The following GRIK1 variants were observed in gnomAD, a reference collection of about 807,000 sequenced individuals.
GRIK1 encodes glutamate ionotropic receptor kainate type subunit 1.
In GRIK1, 69 loss-of-function variants were observed where a neutral mutation model predicts 105.7. The ratio of observed to expected loss-of-function variants is 0.65; its 90% confidence interval spans 0.54 to 0.80. The LOEUF is 0.80. GRIK1 is among the 30% of genes least tolerant of loss of function. The pLI is 0.00. For synonymous variants in GRIK1, 438 were observed against 431.3 expected (o/e 1.02, Z -0.19); for missense variants, 1,109 against 1,167.3 (o/e 0.95, Z 0.73).
At chr21:29,640,913 C>G (rs954490782) in intron 7 of GRIK1, among the ~76,000 whole-genome samples, 2 of 152,120 alleles carry the variant, frequency 1.3e-5, no homozygotes, top group Non-Finnish European at 2.9e-5. Flanking sequence ...TGTTTCATGC[C>G]TATTTGTGAT....
chr21:29,732,818 T>C (rs945008161), intron 1 of GRIK1, among the ~76,000 whole-genome samples: 1 of 152,194 alleles, frequency 6.6e-6, no homozygotes, highest in African/African-American at 2.4e-5. Context: ...ATATATTCCT[T>C]TAACTACATC....
At chr21:29,702,031 A>T (rs923879313) in intron 1 of GRIK1, among the ~76,000 whole-genome samples, 3 of 152,154 alleles carry the variant, frequency 2.0e-5, no homozygotes, top group African/African-American at 7.2e-5. Context: ...TCCTTAGCAA[A>T]CTGATGCAGG....
intron 1 of GRIK1, among the ~76,000 whole-genome samples, chr21:29,902,836 CAAG>C (rs2070460066): frequency 6.6e-6 from 1 of 152,128 alleles, no homozygotes. Flanking sequence ...CAATCCTGGG[CAAG>C]AAGAACAAAG....
intron 1 of GRIK1, among the ~76,000 whole-genome samples, chr21:29,847,078 C>A (rs2068147177): frequency 6.6e-6 from 1 of 152,034 alleles, no homozygotes; most frequent in Non-Finnish European, 1.5e-5. Flanking sequence ...CTTTTTGATA[C>A]TTTATCTTCT....
intron 1 of GRIK1, among the ~76,000 whole-genome samples, chr21:29,905,532 G>T (rs919640899): frequency 1.3e-5 from 2 of 150,748 alleles, no homozygotes; most frequent in Non-Finnish European, 2.9e-5. Flanking sequence ...TGCAACCTCC[G>T]TCTCCTGGGT....
chr21:29,812,359 C>T (rs464900), intron 1 of GRIK1, among the ~76,000 whole-genome samples: 41,150 of 152,010 alleles, frequency 0.27, 5,702 homozygotes, highest in Middle Eastern at 0.34. Context: ...CTCTGCCCTT[C>T]ACTCTCTTAT....
chr21:29,630,519 T>C (rs1255750488), intron 7 of GRIK1: 3 of 471,720 alleles, frequency 6.4e-6, no homozygotes, highest in South Asian at 4.6e-5. Flanking sequence ...AACAGAGATT[T>C]GCTCTCTTCT....
chr21:29,580,017 G>T (rs1601171609), intron 13 of GRIK1, among the ~76,000 whole-genome samples: 1 of 142,678 alleles, frequency 7.0e-6, no homozygotes, highest in East Asian at 2.1e-4. Context: ...GTATATATAT[G>T]TGTATATATG....
intron 7 of GRIK1, among the ~76,000 whole-genome samples, chr21:29,628,549 T>G (rs1276069759): frequency 6.6e-6 from 1 of 152,242 alleles, no homozygotes; most frequent in Non-Finnish European, 1.5e-5. Context: ...GGATTTATCT[T>G]AGAATACACA....
intron 5 of GRIK1, 127 bp from the exon 6 acceptor site, chr21:29,651,418 T>C (rs1392408500): frequency 2.0e-5 from 13 of 645,986 alleles, no homozygotes; most frequent in Non-Finnish European, 7.5e-6. Flanking sequence ...TTGTGGTTCA[T>C]GGTTTCAGTT....
At chr21:29,749,766 T>G (rs916701409) in intron 1 of GRIK1, among the ~76,000 whole-genome samples, 5 of 152,232 alleles carry the variant, frequency 3.3e-5, no homozygotes, top group Non-Finnish European at 5.9e-5. Context: ...TGCTTATATA[T>G]TTCAACTATA....
intron 1 of GRIK1, among the ~76,000 whole-genome samples, chr21:29,754,849 G>A (rs2065294893): frequency 6.6e-6 from 1 of 152,120 alleles, no homozygotes; most frequent in Admixed American, 6.6e-5. Context: ...GCTTCAGCCT[G>A]GGAGTCTCCA....
In GRIK1 at chr21:29,620,802, T is replaced by TAGATAGATAG. The variant is rs1555851179; in HGVS notation, c.1099-21866_1099-21865insCTATCTATCT. 8.3e-3 allele frequency among the ~76,000 whole-genome samples: 1,054 copies of TAGATAGATAG among 127,392 alleles called. 14 individuals carry two copies. The highest frequency in any genetic ancestry group is 0.031 in the African/African-American group (923 of 30,040). 83.6% of individuals were successfully genotyped at this position (127,392 alleles called of 152,430 possible). On this transcript the variant is annotated intron_variant, in intron 7 of 17. Transcript: ENST00000327783. ...ATATAGATATATATATCTATATATA[T>TAGATAGATAG]ATAGATATATATATATAGTAATAAT...
At chr21:29,597,402 C>G (rs1303880061) in intron 8 of GRIK1, among the ~76,000 whole-genome samples, 3 of 152,186 alleles carry the variant, frequency 2.0e-5, no homozygotes, top group African/African-American at 4.8e-5. Context: ...CATCATTCAC[C>G]TAGCCAAAAA....
At chr21:29,573,160 T>G (rs1200510905) in intron 14 of GRIK1, among the ~76,000 whole-genome samples, 1 of 152,190 alleles carries the variant, frequency 6.6e-6, no homozygotes, top group African/African-American at 2.4e-5. Flanking sequence ...TGATGCTGTT[T>G]GTACTATCAT....
intron 14 of GRIK1, among the ~76,000 whole-genome samples, chr21:29,565,881 G>A (rs2090601375): frequency 6.6e-6 from 1 of 152,238 alleles, no homozygotes; most frequent in African/African-American, 2.4e-5. Context: ...GTCAGGGACA[G>A]CAAATGACAC....
intron 1 of GRIK1, among the ~76,000 whole-genome samples, chr21:29,727,120 C>T (rs894449809): frequency 3.3e-5 from 5 of 151,890 alleles, no homozygotes; most frequent in Admixed American, 1.3e-4. Flanking sequence ...GAGATGGGGT[C>T]TCATCATGTT....
At chr21:29,741,019 CT>C (rs2064913032) in intron 1 of GRIK1, among the ~76,000 whole-genome samples, 1 of 152,322 alleles carries the variant, frequency 6.6e-6, no homozygotes, top group Admixed American at 6.5e-5. Context: ...CTCAGAAAGC[CT>C]TTCTGTACTA....
chr21:29,601,102 T>C, intron 7 of GRIK1: 1 of 324,638 alleles, frequency 3.1e-6, no homozygotes, highest in Non-Finnish European at 6.7e-6. Flanking sequence ...AAGATTAGCA[T>C]TTGAAATGGT....
Sources: gnomAD v4.1 joint callset for allele counts (sites outside exome capture counted in the v4.1 genomes callset) on GRCh38, gnomAD v4.1.1 for gene constraint, MANE v1.5 for transcripts, NCBI Gene and HGNC (gene_info 2026-07-23, HGNC 2026-07-21) for gene names.